The following ASS1 variants were observed in gnomAD, a reference collection of about 807,000 sequenced individuals.
ASS1 encodes the protein argininosuccinate synthase 1.
ASS1 carries 58 observed loss-of-function variants against 60.5 expected under a neutral mutation model. The observed-to-expected ratio is 0.96, with a 90% CI of 0.78 to 1.19. The LOEUF (loss-of-function observed/expected upper bound fraction) is 1.19, where lower values mean the gene tolerates loss of function less well. Ranked by LOEUF, ASS1 falls within the 50% of genes most tolerant of loss-of-function variation. The pLI is 0.00. For synonymous variants in ASS1, 200 were observed against 206.9 expected, an observed-to-expected ratio of 0.97 and a Z score of 0.29; for missense variants, 454 against 547.3, an observed-to-expected ratio of 0.83 and a Z score of 1.70.
At chr9:130,449,696 A>G (rs547101473) in intron 1 of ASS1, among the ~76,000 whole-genome samples, 1 of 152,290 alleles carries the variant, frequency 6.6e-6, no homozygotes, top group African/African-American at 2.4e-5. Flanking sequence ...CAAGTTCCTC[A>G]GCCCAAGCCT....
In ASS1 at chr9:130,476,930, C is replaced by T. The variant is rs775246400; in HGVS notation, c.657C>T (p.Thr219=). 1 of 1,614,140 alleles carries T rather than the reference C, an allele frequency of 6.2e-7. No homozygotes were observed. The highest frequency in any genetic ancestry group is 1.1e-5 in the South Asian group (1 of 91,078). The change falls in exon 9 of 15, where the codon ACC becomes ACT. Residue 219 remains threonine, a synonymous_variant. Coordinates refer to ENST00000352480, the MANE Select transcript of ASS1 (RefSeq NM_054012.4). This position sits in a 1 kb window ranked among gnomAD's most constrained non-coding sequence, Gnocchi z 4.9. ...AGGACCCAGCCAAAGCCCCCAACAC[C>T]CCTGACATTCTCGAGATCGAGTTCA... ...KTQDPAKAPN[T]PDILEIEFKK... is the part of the protein sequence containing the mutation.
At chr9:130,464,210 G>A (rs1329871844) in intron 5 of ASS1, 43 bp downstream of exon 5, 1 of 1,596,512 alleles carries the variant, frequency 6.3e-7, no homozygotes, top group East Asian at 2.2e-5. Flanking sequence ...ACTAGCATCT[G>A]CAGCACCTGA....
intron 11 of ASS1, among the ~76,000 whole-genome samples, chr9:130,486,031 G>A (rs1341146207): frequency 1.3e-5 from 2 of 152,050 alleles, no homozygotes; most frequent in East Asian, 1.9e-4. Context: ...CTGTCACCGA[G>A]GCTGTAGTGC....
chr9:130,476,845 G>A lies in ASS1; in HGVS notation c.598-26G>A, dbSNP rs1320916948. The A allele has an allele frequency of 6.2e-7, 1 of 1,600,172 alleles. No homozygotes were observed. Reference sequence around the variant, plus strand: ...GTGTCCAGGGACTGGTATGTCATCTGCCCACCACTTTCTGTCTTTTTTCAG... The same window carrying A: ...GTGTCCAGGGACTGGTATGTCATCTACCCACCACTTTCTGTCTTTTTTCAG... On this transcript the variant is annotated intron_variant, in intron 8 of 14. Transcript: ENST00000352480. The surrounding 1 kb of genome is among the most constrained non-coding windows in gnomAD (Gnocchi z 4.9).
intron 1 of ASS1, chr9:130,451,860 C>G: frequency 2.1e-6 from 1 of 481,556 alleles, no homozygotes; most frequent in Non-Finnish European, 4.1e-6. Context: ...AGGCCCCTCC[C>G]ACATCTCCTG....
chr9:130,491,326 C>G lies in ASS1; in HGVS notation c.970+1862C>G, dbSNP rs1015759266. On this transcript the variant is annotated intron_variant, in intron 12 of 14. Coordinates refer to ENST00000352480, the MANE Select transcript of ASS1 (RefSeq NM_054012.4). This position sits in a 1 kb window ranked among gnomAD's most constrained non-coding sequence, Gnocchi z 5.3. ...GCGGAGGAGAGAGCACCTGGCCGGG[C>G]TGCTCCGGGGCCTCCACGGAGGCTG... 6.6e-6 allele frequency among the ~76,000 whole-genome samples: 1 copy of G among 152,196 alleles called. No individual in the cohort carries two copies. The highest frequency in any genetic ancestry group is 2.4e-5 in the African/African-American group (1 of 41,448).
Position 130,474,978 on chromosome 9 carries a change from G to A in ASS1, c.598-1893G>A, listed in dbSNP as rs1017711317. On this transcript the variant is annotated intron_variant, in intron 8 of 14. Coordinates refer to ENST00000352480, the MANE Select transcript of ASS1 (RefSeq NM_054012.4). ...CCCCACAAATGGGCACTGATGCAGG[G>A]ATACAGCTGGCCCTGAGTCACATCG... Among the ~76,000 whole-genome samples the A allele has an allele frequency of 1.3e-5, 2 of 152,246 alleles. 1 individual carries two copies. Among genetic ancestry groups the A allele is most frequent in the Non-Finnish European group, 2.9e-5 (2 of 68,044 alleles).
At chr9:130,484,729 T>G (rs942848687) in intron 11 of ASS1, among the ~76,000 whole-genome samples, 7 of 151,742 alleles carry the variant, frequency 4.6e-5, no homozygotes, top group Middle Eastern at 6.8e-3. Flanking sequence ...GTTTTTTTTT[T>G]CCAGAAGAAA....
chr9:130,461,035 C>T (rs1450502158), intron 4 of ASS1, among the ~76,000 whole-genome samples: 1 of 151,842 alleles, frequency 6.6e-6, no homozygotes, highest in Non-Finnish European at 1.5e-5. Context: ...AAAAAAAGCT[C>T]CCGACCCATC....
chr9:130,469,270 GTC>G (rs978402586), intron 6 of ASS1, among the ~76,000 whole-genome samples: 20 of 152,352 alleles, frequency 1.3e-4, no homozygotes, highest in African/African-American at 4.6e-4. Context: ...GGGCTGAAGA[GTC>G]TTCAAATTCT....
intron 8 of ASS1, among the ~76,000 whole-genome samples, chr9:130,472,846 A>G (rs745788335): frequency 6.6e-6 from 1 of 152,206 alleles, no homozygotes; most frequent in Non-Finnish European, 1.5e-5. Flanking sequence ...GGCCCCAAGC[A>G]TGCTGGGCAA....
intron 12 of ASS1, among the ~76,000 whole-genome samples, chr9:130,490,156 C>T (rs1846415528): frequency 6.6e-6 from 1 of 152,252 alleles, no homozygotes; most frequent in Non-Finnish European, 1.5e-5. Flanking sequence ...CCCGGGTTTC[C>T]ATGCCTTGGA....
At chr9:130,495,387 A>C (rs1285136297) in intron 13 of ASS1, among the ~76,000 whole-genome samples, 1 of 151,716 alleles carries the variant, frequency 6.6e-6, no homozygotes, top group African/African-American at 2.4e-5. Context: ...GTTCAAGACC[A>C]GCCTAGGCAA....
chr9:130,496,934 G>A (rs547320185), intron 13 of ASS1, among the ~76,000 whole-genome samples: 1 of 152,366 alleles, frequency 6.6e-6, no homozygotes, highest in African/African-American at 2.4e-5. Flanking sequence ...GGCTGGTTGG[G>A]AATTAAAGTA....
At chr9:130,454,395 T>A in intron 3 of ASS1, 22 bp downstream of exon 3, 1 of 1,611,620 alleles carries the variant, frequency 6.2e-7, no homozygotes, top group Non-Finnish European at 8.5e-7. Flanking sequence ...GAGGCAGGGA[T>A]TTGGGCTGGG....
At chr9:130,445,208 G>A (rs1845166328) in intron 1 of ASS1, 1 of 984,954 alleles carries the variant, frequency 1.0e-6, no homozygotes, top group African/African-American at 1.8e-5. Context: ...GGTTTCTGGA[G>A]CGTGGGGGAC....
rs71387350 is a variant in ASS1, at chr9:130,448,422, G to GCGCACACACACACACACACACA, written c.-6+3428_-6+3429insGCACACACACACACACACACAC. On this transcript the variant is annotated intron_variant, in intron 1 of 14. Transcript: ENST00000352480. ...TGGGTGCACACAGGTGTGTGCGCGCGCACACACACACACACACACACACTG... is the reference window on the plus strand; with the variant it reads ...TGGGTGCACACAGGTGTGTGCGCGCGCGCACACACACACACACACACACACACACACACACACACACACACTG... 3.8e-3 allele frequency among the ~76,000 whole-genome samples: 544 copies of GCGCACACACACACACACACACA among 143,340 alleles called. 1 individual carries two copies. The highest frequency in any genetic ancestry group is 0.014 in the African/African-American group (497 of 36,408). 94.0% of individuals were successfully genotyped at this position (143,340 alleles called of 152,430 possible).
In ASS1 at chr9:130,476,767, G is replaced by A; in HGVS notation, c.598-104G>A. 8.9e-7 allele frequency: 1 copy of A among 1,124,814 alleles called. No individual in the cohort carries two copies. Among genetic ancestry groups the A allele is most frequent in the South Asian group, 1.2e-5 (1 of 81,210 alleles). 69.7% of individuals were successfully genotyped at this position (1,124,814 alleles called of 1,614,324 possible). A position where few individuals can be genotyped will look rare whatever the true frequency, so the allele number is the denominator to read the frequency against. On this transcript the variant is annotated intron_variant, in intron 8 of 14. Transcript: ENST00000352480. The surrounding 1 kb of genome is among the most constrained non-coding windows in gnomAD (Gnocchi z 4.9). ...ATCTGCCGGACCCCACCAGCTGGTG[G>A]GGAAATGGACAGAGGAGAGGGGTGC...
intron 9 of ASS1, among the ~76,000 whole-genome samples, chr9:130,479,270 G>T (rs560987999): frequency 1.3e-5 from 2 of 152,026 alleles, no homozygotes; most frequent in Admixed American, 6.5e-5. Context: ...CCTGACAGAC[G>T]TGGCAGGGGG....
Sources: allele counts gnomAD v4.1 joint callset (sites outside exome capture counted in the v4.1 genomes callset), GRCh38; gene constraint gnomAD v4.1.1; non-coding constraint Gnocchi (gnomAD v3.1); transcripts MANE v1.5; gene names NCBI Gene and HGNC (gene_info 2026-07-23, HGNC 2026-07-21).